CIMIP7: variants seen among roughly 807,000 people sequenced by gnomAD.
The protein encoded by CIMIP7 is uncharacterized protein C3orf84.
chr3:49,182,608 G>A, the CIMIP7 span, among the ~76,000 whole-genome samples: 1 of 152,246 alleles, frequency 6.6e-6, no homozygotes, highest in African/African-American at 2.4e-5. Flanking sequence ...TTCACCCAGT[G>A]GATCCCGCAC....
the CIMIP7 span, chr3:49,190,102 A>T: frequency 6.2e-7 from 1 of 1,609,442 alleles, no homozygotes; most frequent in South Asian, 1.1e-5. Flanking sequence ...TCACTCTTGA[A>T]TTGGCTTCTG....
the CIMIP7 span, among the ~76,000 whole-genome samples, chr3:49,182,715 G>A: frequency 1.3e-5 from 2 of 152,210 alleles, no homozygotes; most frequent in Non-Finnish European, 2.9e-5. Flanking sequence ...TGGAGCAGGG[G>A]GCGGCGCTTG....
At chr3:49,183,013 G>A in the CIMIP7 span, among the ~76,000 whole-genome samples, 259 of 152,150 alleles carry the variant, frequency 1.7e-3, 11 homozygotes, top group South Asian at 0.051. Context: ...ATACCTCCCC[G>A]CGAGCTGAGG....
chr3:49,188,900 C>T, the CIMIP7 span, among the ~76,000 whole-genome samples: 8 of 151,888 alleles, frequency 5.3e-5, no homozygotes, highest in African/African-American at 1.9e-4. Context: ...CAGGTTCAAG[C>T]GATTCTGCCT....
At chr3:49,185,890 C>T in the CIMIP7 span, among the ~76,000 whole-genome samples, 101 of 151,728 alleles carry the variant, frequency 6.7e-4, no homozygotes, top group Non-Finnish European at 1.3e-3. Context: ...TGGGGTTTCA[C>T]TATGTTGGCC....
the CIMIP7 span, among the ~76,000 whole-genome samples, chr3:49,182,730 G>A: frequency 6.6e-6 from 1 of 152,324 alleles, no homozygotes; most frequent in African/African-American, 2.4e-5. Flanking sequence ...CGCTTGTTGG[G>A]GAGGCTCGGG....
chr3:49,184,989 G>A, the CIMIP7 span, among the ~76,000 whole-genome samples: 1 of 151,848 alleles, frequency 6.6e-6, no homozygotes, highest in South Asian at 2.1e-4. Flanking sequence ...AGAAATGGGG[G>A]CCAGGCGCAG....
At chr3:49,178,292 T>C in the CIMIP7 span, among the ~76,000 whole-genome samples, 1 of 152,158 alleles carries the variant, frequency 6.6e-6, no homozygotes, top group Non-Finnish European at 1.5e-5. Context: ...GAAACCAACA[T>C]AGAGATGTCT....
the CIMIP7 span, chr3:49,178,348 G>T: frequency 1.3e-6 from 1 of 790,048 alleles, no homozygotes; most frequent in Non-Finnish European, 2.1e-6. Context: ...AGTTTGTGGG[G>T]GAAGACAGCC....
At chr3:49,184,882 G>A in the CIMIP7 span, among the ~76,000 whole-genome samples, 2 of 151,268 alleles carry the variant, frequency 1.3e-5, no homozygotes, top group African/African-American at 2.4e-5. Flanking sequence ...CACCCACCTC[G>A]GCCTCCCAAG....
At chr3:49,178,721 T>C in the CIMIP7 span, among the ~76,000 whole-genome samples, 2 of 152,084 alleles carry the variant, frequency 1.3e-5, no homozygotes, top group Non-Finnish European at 2.9e-5. Context: ...AGTCCTGGGA[T>C]ATCTCAACCT....
chr3:49,190,799 T>C, the CIMIP7 span, among the ~76,000 whole-genome samples: 1 of 151,234 alleles, frequency 6.6e-6, no homozygotes, highest in Non-Finnish European at 1.5e-5. Flanking sequence ...CTCCCGAGTA[T>C]CTGGGATTAC....
chr3:49,180,804 C>G, the CIMIP7 span, among the ~76,000 whole-genome samples: 1 of 151,718 alleles, frequency 6.6e-6, no homozygotes, highest in Non-Finnish European at 1.5e-5. Context: ...ATGGCGGGCG[C>G]CTGTAGTCCC....
chr3:49,191,711 CA>C, the CIMIP7 span: 1 of 1,594,222 alleles, frequency 6.3e-7, no homozygotes, highest in Non-Finnish European at 8.5e-7. Context: ...ACCAGAGGGC[CA>C]GGGGCCAGGA....
chr3:49,178,636 T>A, the CIMIP7 span: 1 of 1,007,278 alleles, frequency 9.9e-7, no homozygotes, highest in East Asian at 2.5e-5. Flanking sequence ...TGGAGGGAAG[T>A]CACCAGGAGC....
the CIMIP7 span, chr3:49,178,525 C>T: frequency 1.1e-5 from 18 of 1,613,506 alleles, no homozygotes; most frequent in Middle Eastern, 3.3e-4. Flanking sequence ...GAAGAAGTGT[C>T]GCTGCGCCGG....
chr3:49,177,966 G>A, the CIMIP7 span: 1 of 1,613,578 alleles, frequency 6.2e-7, no homozygotes, highest in East Asian at 2.2e-5. Flanking sequence ...CTATCTCACA[G>A]GGTGCCCAGC....
the CIMIP7 span, among the ~76,000 whole-genome samples, chr3:49,181,970 G>T: frequency 2.0e-5 from 3 of 152,126 alleles, no homozygotes; most frequent in Admixed American, 1.3e-4. Context: ...CGCTGGCTCA[G>T]GAGTGAAGCT....
At chr3:49,185,493 G>A in the CIMIP7 span, among the ~76,000 whole-genome samples, 1 of 151,904 alleles carries the variant, frequency 6.6e-6, no homozygotes, top group Admixed American at 6.6e-5. Flanking sequence ...TTGAACCCGG[G>A]AGGCAGAGGT....
Sources: gnomAD v4.1 joint callset for allele counts (sites outside exome capture counted in the v4.1 genomes callset) on GRCh38, gnomAD v4.1.1 for gene constraint, MANE v1.5 for transcripts, NCBI Gene and HGNC (gene_info 2026-07-23, HGNC 2026-07-21) for gene names.